The following EYS variants were observed in gnomAD, a reference collection of about 807,000 sequenced individuals.
EYS encodes protein eyes shut homolog.
A neutral mutation model predicts 282.1 loss-of-function variants in EYS; 250 were observed. The ratio of observed to expected loss-of-function variants is 0.89; its 90% confidence interval spans 0.80 to 0.98. EYS has a LOEUF of 0.98. Among genes scored for constraint, EYS ranks in the 50% least tolerant of loss-of-function variants. EYS has a pLI of 0.00. For synonymous variants in EYS, 1,355 were observed against 1,282.9 expected (o/e 1.06, Z -1.20); for missense variants, 4,016 against 3,709.0 (o/e 1.08, Z -2.15).
chr6:64,524,253 T>G (rs540358769), intron 26 of EYS, among the ~76,000 whole-genome samples: 2 of 151,906 alleles, frequency 1.3e-5, no homozygotes, highest in African/African-American at 4.8e-5. Context: ...ATAAAATGTT[T>G]GTAAAATAAT....
At chr6:64,837,450 A>T (rs1164693454) in intron 19 of EYS, among the ~76,000 whole-genome samples, 3 of 151,378 alleles carry the variant, frequency 2.0e-5, no homozygotes, top group African/African-American at 4.8e-5. Context: ...CACCACTTCT[A>T]TTCAAAATAG....
At chr6:64,373,985 C>CTGCCCT (rs1772479000) in intron 29 of EYS, among the ~76,000 whole-genome samples, 1 of 151,898 alleles carries the variant, frequency 6.6e-6, no homozygotes, top group Non-Finnish European at 1.5e-5. Flanking sequence ...GTGGGGATGC[C>CTGCCCT]TGCCCTTCCA....
chr6:64,364,117 G>A (rs557598202), intron 29 of EYS, among the ~76,000 whole-genome samples: 1 of 151,756 alleles, frequency 6.6e-6, no homozygotes, highest in South Asian at 2.1e-4. Context: ...TTAGTCTCTA[G>A]GCTTTTTCCT....
chr6:64,347,466 GTATA>G (rs1051672058), intron 29 of EYS, among the ~76,000 whole-genome samples: 57 of 151,342 alleles, frequency 3.8e-4, no homozygotes, highest in Admixed American at 5.3e-4. Context: ...GGAGGGTGTA[GTATA>G]CATATGATGT....
intron 22 of EYS, among the ~76,000 whole-genome samples, chr6:64,682,937 A>G (rs887341713): frequency 2.0e-5 from 3 of 152,196 alleles, no homozygotes. Flanking sequence ...ATTCACAGCC[A>G]GTAACTCGGA....
At chr6:64,645,160 A>C (rs2149874140) in intron 22 of EYS, among the ~76,000 whole-genome samples, 1 of 152,340 alleles carries the variant, frequency 6.6e-6, no homozygotes, top group African/African-American at 2.4e-5. Flanking sequence ...TTTTAGGTAT[A>C]TCTCACTGCT....
intron 28 of EYS, among the ~76,000 whole-genome samples, chr6:64,428,585 C>T (rs1474075349): frequency 6.6e-6 from 1 of 152,086 alleles, no homozygotes. Context: ...GAAGCCTATA[C>T]TATGATATGC....
At chr6:65,138,433 A>T in intron 12 of EYS, among the ~76,000 whole-genome samples, 1 of 152,204 alleles carries the variant, frequency 6.6e-6, no homozygotes, top group Non-Finnish European at 1.5e-5. Flanking sequence ...TTATTAAAAT[A>T]TATTAAGAGT....
intron 5 of EYS, among the ~76,000 whole-genome samples, chr6:65,454,877 T>C (rs946568063): frequency 6.6e-6 from 1 of 152,136 alleles, no homozygotes; most frequent in Non-Finnish European, 1.5e-5. Flanking sequence ...TCTGTTTTTA[T>C]GCCAGTACCA....
At chr6:64,328,982 G>T (rs1479403635) in intron 29 of EYS, among the ~76,000 whole-genome samples, 5 of 152,124 alleles carry the variant, frequency 3.3e-5, no homozygotes, top group Non-Finnish European at 7.4e-5. Flanking sequence ...AAAATGGCTG[G>T]CCAGAACCCC....
At chr6:65,335,939 T>A (rs1452833917) in intron 10 of EYS, among the ~76,000 whole-genome samples, 1 of 151,676 alleles carries the variant, frequency 6.6e-6, no homozygotes, top group Non-Finnish European at 1.5e-5. Context: ...AGTTTCCCCC[T>A]TGCTGTTCTC....
intron 22 of EYS, among the ~76,000 whole-genome samples, chr6:64,813,104 C>T (rs1345658464): frequency 6.7e-6 from 1 of 150,212 alleles, no homozygotes; most frequent in Non-Finnish European, 1.5e-5. Context: ...TAAAAACCCA[C>T]TTTGAGAAAG....
At chr6:64,348,896 T>C (rs1034969171) in intron 29 of EYS, among the ~76,000 whole-genome samples, 1 of 151,384 alleles carries the variant, frequency 6.6e-6, no homozygotes, top group African/African-American at 2.4e-5. Context: ...ATTGAGTTGT[T>C]TGAATATTAC....
chr6:65,544,337 C>T (rs531711388), intron 2 of EYS, among the ~76,000 whole-genome samples: 2 of 152,146 alleles, frequency 1.3e-5, no homozygotes, highest in Admixed American at 1.3e-4. Flanking sequence ...TGCATCTGGC[C>T]GGTAACTTTG....
Position 63,721,609 on chromosome 6 carries a change from C to G in EYS, c.8422G>C (p.Ala2808Pro). 1 of 1,551,212 alleles carries G rather than the reference C, an allele frequency of 6.4e-7. No homozygotes were observed. The highest frequency in any genetic ancestry group is 2.4e-5 in the East Asian group (1 of 40,906). Reference sequence around the variant, plus strand: ...TCCAGAGAACTCATTTTAGTGGAGGCCTTTTCTGTTACATTTATCCCATCT... The same window carrying G: ...TCCAGAGAACTCATTTTAGTGGAGGGCTTTTCTGTTACATTTATCCCATCT... ...DLDGINVTEK[A>P]STKMSSLDTN... Residue 2808 changes from alanine (A) to proline (P), a missense_variant, in exon 43 of 43, where the codon GCC (alanine) becomes CCC (proline). Ala to Pro is a conservative substitution (Grantham distance 27). Transcript: ENST00000503581.
At chr6:64,292,327 T>A (rs944652124) in intron 30 of EYS, among the ~76,000 whole-genome samples, 1 of 152,140 alleles carries the variant, frequency 6.6e-6, no homozygotes, top group African/African-American at 2.4e-5. Context: ...GCCTTTAGAT[T>A]GTGAAATACA....
At chr6:64,067,547 G>A (rs1582222662) in intron 32 of EYS, among the ~76,000 whole-genome samples, 1 of 152,062 alleles carries the variant, frequency 6.6e-6, no homozygotes. Flanking sequence ...GGTAATTACA[G>A]TACAATAAAA....
At chr6:65,611,243 A>C (rs1027574198) in intron 2 of EYS, among the ~76,000 whole-genome samples, 6 of 151,476 alleles carry the variant, frequency 4.0e-5, no homozygotes, top group African/African-American at 1.4e-4. Context: ...TTCTTCACTG[A>C]TTATGATGAA....
At chr6:63,852,028 G>A (rs1196235844) in intron 36 of EYS, among the ~76,000 whole-genome samples, 1 of 151,370 alleles carries the variant, frequency 6.6e-6, no homozygotes, top group African/African-American at 2.4e-5. Flanking sequence ...GTAGTGGCGG[G>A]CACCTGTAGT....
Sources: allele counts gnomAD v4.1 joint callset (sites outside exome capture counted in the v4.1 genomes callset), GRCh38; gene constraint gnomAD v4.1.1; transcripts MANE v1.5; gene names NCBI Gene and HGNC (gene_info 2026-07-23, HGNC 2026-07-21).